BACH2: variants seen among roughly 807,000 people sequenced by gnomAD.
BACH2 encodes the protein transcription regulator protein BACH2.
A neutral mutation model predicts 61.8 loss-of-function variants in BACH2; 5 were observed. The ratio of observed to expected loss-of-function variants is 0.08; its 90% CI spans 0.04 to 0.17. BACH2 has a LOEUF of 0.17. BACH2 is among the 10% of genes least tolerant of loss of function. The pLI is 1.00. For synonymous variants in BACH2, 446 were observed against 440.1 expected, an observed-to-expected ratio of 1.01 and a Z score of -0.17; for missense variants, 824 against 1,091.1, an observed-to-expected ratio of 0.76 and a Z score of 3.45.
intron 4 of BACH2, among the ~76,000 whole-genome samples, chr6:90,154,942 T>C (rs867583151): frequency 3.3e-5 from 5 of 152,114 alleles, no homozygotes; most frequent in African/African-American, 9.7e-5. Context: ...GGGGACAAAC[T>C]GGCAGGAAGA....
At chr6:89,947,022 C>G (rs2128355833) in intron 7 of BACH2, among the ~76,000 whole-genome samples, 1 of 152,286 alleles carries the variant, frequency 6.6e-6, no homozygotes, top group South Asian at 2.1e-4. Context: ...CACTTTTGGT[C>G]TAACGTTTTG....
chr6:90,260,444 T>C (rs1452473106), intron 2 of BACH2, among the ~76,000 whole-genome samples: 1 of 152,194 alleles, frequency 6.6e-6, no homozygotes, highest in African/African-American at 2.4e-5. Flanking sequence ...AATTTCAATC[T>C]TAAATTTTGT....
rs1562413959 is a variant in BACH2, at chr6:90,063,774, T to C, written c.-13+25187A>G. Among the ~76,000 whole-genome samples the C allele has an allele frequency of 3.9e-5, 6 of 152,198 alleles. No individual in the cohort carries two copies. The South Asian group carries it at 1.2e-3, about 32-fold the overall frequency. On this transcript the variant is annotated intron_variant, in intron 5 of 8. Transcript: ENST00000257749. Reference sequence around the variant, plus strand: ...TTCTAATGCCTGGCATATTTAGGTGTTTTATAAATGTCTAATTGGATACCG... The same window carrying C: ...TTCTAATGCCTGGCATATTTAGGTGCTTTATAAATGTCTAATTGGATACCG...
intron 5 of BACH2, among the ~76,000 whole-genome samples, chr6:90,046,644 A>G (rs1210256268): frequency 6.6e-6 from 1 of 152,190 alleles, no homozygotes; most frequent in Non-Finnish European, 1.5e-5. Flanking sequence ...CCTGTGGGTG[A>G]TATCAATATG....
At chr6:89,991,047 T>C (rs1776518441) in intron 6 of BACH2, among the ~76,000 whole-genome samples, 1 of 152,244 alleles carries the variant, frequency 6.6e-6, no homozygotes, top group South Asian at 2.1e-4. Context: ...CACTCTGCTT[T>C]ACTTTGCTTC....
chr6:90,011,244 G>GA lies in BACH2; in HGVS notation c.-12-2389dup, dbSNP rs747713581. The stretch of plus-strand genomic sequence containing the variant: ...TTTGTGTAGGTAACAGGTATGGATT[G>GA]AGGTTCTTTTTTTCCTTTTGCATAG... On this transcript the variant is annotated intron_variant, in intron 5 of 8. Transcript: ENST00000257749. 4.6e-5 allele frequency among the ~76,000 whole-genome samples: 7 copies of GA among 152,292 alleles called. No individual in the cohort carries two copies. In the East Asian group the frequency reaches 1.3e-3, roughly 29 times the overall value.
At chr6:90,164,451 C>A (rs1332999066) in intron 4 of BACH2, among the ~76,000 whole-genome samples, 2 of 151,452 alleles carry the variant, frequency 1.3e-5, no homozygotes, top group Non-Finnish European at 3.0e-5. Flanking sequence ...AGTCCAGGAC[C>A]AGATGGATTC....
At chr6:90,146,732 A>G (rs16882455) in intron 4 of BACH2, among the ~76,000 whole-genome samples, 3,057 of 152,282 alleles carry the variant, frequency 0.02, 110 homozygotes, top group African/African-American at 0.069. Flanking sequence ...TTGTTTCTTA[A>G]GCACTCAGAT....
At chr6:90,001,704 T>C (rs1777141893) in intron 6 of BACH2, among the ~76,000 whole-genome samples, 1 of 152,112 alleles carries the variant, frequency 6.6e-6, no homozygotes, top group African/African-American at 2.4e-5. Flanking sequence ...ATACCTACTT[T>C]TGACTGCCTT....
chr6:90,126,125 A>G (rs1298541957), intron 4 of BACH2, among the ~76,000 whole-genome samples: 4 of 152,236 alleles, frequency 2.6e-5, no homozygotes, highest in Non-Finnish European at 5.9e-5. Context: ...TGTTAGAACA[A>G]GCAGGTCCCA....
At chr6:90,062,839 T>C in intron 5 of BACH2, 1 of 726,290 alleles carries the variant, frequency 1.4e-6, no homozygotes, top group Non-Finnish European at 1.7e-6. Flanking sequence ...CTGAGAGCAG[T>C]GTGGGTATTT....
intron 5 of BACH2, among the ~76,000 whole-genome samples, chr6:90,047,881 A>G (rs1779862962): frequency 6.6e-6 from 1 of 152,142 alleles, no homozygotes; most frequent in Non-Finnish European, 1.5e-5. Flanking sequence ...GTCTCAAATC[A>G]TCTGGTGTCT....
At chr6:90,076,181 G>C (rs995424685) in intron 5 of BACH2, among the ~76,000 whole-genome samples, 1 of 152,118 alleles carries the variant, frequency 6.6e-6, no homozygotes, top group East Asian at 1.9e-4. Context: ...GGTGATGAGG[G>C]GAGACCAGTG....
At chr6:90,149,665 G>T (rs187389226) in intron 4 of BACH2, among the ~76,000 whole-genome samples, 229 of 152,358 alleles carry the variant, frequency 1.5e-3, no homozygotes, top group African/African-American at 5.2e-3. Flanking sequence ...TGGAGAGAAG[G>T]GAAGAGTGGT....
At chr6:90,082,549 C>T (rs528972063) in intron 5 of BACH2, among the ~76,000 whole-genome samples, 1 of 152,158 alleles carries the variant, frequency 6.6e-6, no homozygotes, top group Non-Finnish European at 1.5e-5. Context: ...GTCTAGAGCA[C>T]TGCTTGTAAA....
At chr6:90,260,275 T>C (rs1771114992) in intron 2 of BACH2, among the ~76,000 whole-genome samples, 1 of 152,220 alleles carries the variant, frequency 6.6e-6, no homozygotes, top group Non-Finnish European at 1.5e-5. Flanking sequence ...CAAGGCATTT[T>C]TTAAATTTAT....
chr6:90,191,394 C>T (rs941593872), intron 4 of BACH2, among the ~76,000 whole-genome samples: 1 of 152,222 alleles, frequency 6.6e-6, no homozygotes, highest in African/African-American at 2.4e-5. Context: ...AACAAATTTT[C>T]AACTACTGCA....
chr6:90,092,291 A>AAAAAAAAAAAAAAATATATATATATAT, intron 4 of BACH2, among the ~76,000 whole-genome samples: 1 of 113,816 alleles, frequency 8.8e-6, no homozygotes, highest in African/African-American at 3.6e-5. Context: ...AAAAAAAAAA[A>AAAAAAAAAAAAAAATATATATATATAT]ATATATATAT....
In BACH2 at chr6:90,027,411, C is replaced by T. The variant is rs74454969; in HGVS notation, c.-12-18555G>A. Among the ~76,000 whole-genome samples the T allele has an allele frequency of 8.4e-3, 1,281 of 152,248 alleles. 21 individuals are homozygous for T. The highest frequency in any genetic ancestry group is 0.077 in the East Asian group (399 of 5,186). ...ACGGTCTTATATGCCTATACCACTG[C>T]CACTCACACACGATTTCACCTCACA... On this transcript the variant is annotated intron_variant, in intron 5 of 8. Coordinates refer to ENST00000257749, the MANE Select transcript of BACH2 (RefSeq NM_021813.4).
Sources: gnomAD v4.1 joint callset for allele counts (sites outside exome capture counted in the v4.1 genomes callset) on GRCh38, gnomAD v4.1.1 for gene constraint, MANE v1.5 for transcripts, NCBI Gene and HGNC (gene_info 2026-07-23, HGNC 2026-07-21) for gene names.